DNAJC21: variants seen among roughly 807,000 people sequenced by gnomAD.
DNAJC21 encodes dnaJ homolog subfamily C member 21.
In DNAJC21, 63 loss-of-function variants were observed where a neutral mutation model predicts 72.4. The observed-to-expected ratio is 0.87, with a 90% CI of 0.71 to 1.07. The LOEUF (loss-of-function observed/expected upper bound fraction) is 1.07. DNAJC21 is among the 50% of genes least tolerant of loss of function. The pLI is 0.00. For missense variants in DNAJC21, 634 were observed against 644.8 expected, an observed-to-expected ratio of 0.98 and a Z score of 0.18; for synonymous variants, 203 against 216.7, an observed-to-expected ratio of 0.94 and a Z score of 0.56.
At position 34,929,715 on chromosome 5, in the gene DNAJC21, C is replaced by T. The variant is rs1053080003; in HGVS notation, c.-105C>T. On this transcript the variant is annotated 5_prime_UTR_variant, in exon 1 of 12. Coordinates refer to ENST00000648817, the MANE Select transcript of DNAJC21 (RefSeq NM_001012339.3). The stretch of plus-strand genomic sequence containing the variant: ...GCTGGCCCGGTGCGGGCGGCGGACT[C>T]CCGCCGGAGAGGACTGCCAGCGCCG... 3.7e-5 allele frequency: 15 copies of T among 404,016 alleles called. No homozygotes were observed. Among genetic ancestry groups the T allele is most frequent in the Non-Finnish European group, 4.8e-5 (14 of 293,892 alleles). The allele number at this position is 404,016 out of a possible 1,614,324, so 25.0% of individuals were successfully genotyped here.
intron 1 of DNAJC21, 84 bp downstream of exon 1, chr5:34,930,000 G>A: frequency 8.8e-7 from 1 of 1,136,098 alleles, no homozygotes; most frequent in Non-Finnish European, 1.2e-6. Flanking sequence ...CGGACTCCGC[G>A]GAGCCAGCAG....
chr5:34,933,729 G>T, intron 1 of DNAJC21, 86 bp from the exon 2 acceptor site: 1 of 1,057,784 alleles, frequency 9.5e-7, no homozygotes, highest in Non-Finnish European at 1.4e-6. Context: ...CGTCTCATCT[G>T]TTTGTGGCAT....
At chr5:34,943,837 A>G (rs1397812271) in intron 7 of DNAJC21, among the ~76,000 whole-genome samples, 1 of 152,232 alleles carries the variant, frequency 6.6e-6, no homozygotes. Flanking sequence ...TCAGTGTTTT[A>G]TAATTCATTA....
At chr5:34,954,093 A>G in intron 11 of DNAJC21, 92 bp downstream of exon 11, 2 of 1,184,676 alleles carry the variant, frequency 1.7e-6, no homozygotes, top group South Asian at 1.8e-5. Context: ...TTGGTGAGCC[A>G]TTCCGCAAAG....
At position 34,936,244 on chromosome 5, in the gene DNAJC21, A is replaced by G; in HGVS notation, c.416A>G (p.Asp139Gly). 6.2e-7 allele frequency: 1 copy of G among 1,613,416 alleles called. No homozygotes were observed. The highest frequency in any genetic ancestry group is 8.5e-7 in the Non-Finnish European group (1 of 1,179,878). ...GTTGATGATTTCCCAACTTTTGGAG[A>G]CTCCCAGAGTGACTATGATACGGTA... ...EEVDDFPTFG[D>G]SQSDYDTVVH... is the part of the protein sequence containing the mutation. Residue 139 changes from aspartate to glycine, a missense_variant, in exon 4 of 12, where the codon GAC becomes GGC. Physicochemically the swap from Asp to Gly is moderately conservative, Grantham distance 94. Coordinates refer to ENST00000648817, the MANE Select transcript of DNAJC21 (RefSeq NM_001012339.3).
chr5:34,937,373 G>T lies in DNAJC21; in HGVS notation c.486G>T (p.Lys162Asn), dbSNP rs1438992365. ...YAYWQSFCTQ[K>N]NFAWKEEYDT... ...ATTGGCAGAGTTTCTGCACTCAAAA[G>T]AATTTTGCATGGAAGGAAGAATATG... Residue 162 changes from lysine to asparagine, a missense_variant, in exon 5 of 12, where the codon AAG becomes AAT. Coordinates refer to ENST00000648817, the MANE Select transcript of DNAJC21 (RefSeq NM_001012339.3). 1 of 1,613,764 alleles carries T rather than the reference G, an allele frequency of 6.2e-7. No individual in the cohort carries two copies.
chr5:34,936,976 C>T (rs999525896), intron 4 of DNAJC21, among the ~76,000 whole-genome samples: 1 of 152,172 alleles, frequency 6.6e-6, no homozygotes, highest in Non-Finnish European at 1.5e-5. Context: ...GTTTCAAACT[C>T]CTGACCTCAG....
intron 9 of DNAJC21, among the ~76,000 whole-genome samples, chr5:34,948,720 C>T (rs1765252611): frequency 1.3e-5 from 2 of 152,004 alleles, no homozygotes; most frequent in Non-Finnish European, 2.9e-5. Context: ...CAAAAATTAG[C>T]CGGGCGTGGT....
intron 1 of DNAJC21, among the ~76,000 whole-genome samples, chr5:34,931,063 A>G (rs1167324972): frequency 1.3e-5 from 2 of 152,148 alleles, no homozygotes; most frequent in African/African-American, 4.8e-5. Flanking sequence ...AGGACAAAAG[A>G]TGTTCCGGGG....
chr5:34,947,820 T>C (rs1355816264), intron 9 of DNAJC21, among the ~76,000 whole-genome samples: 1 of 152,166 alleles, frequency 6.6e-6, no homozygotes, highest in Non-Finnish European at 1.5e-5. Flanking sequence ...GTTTTTGTTA[T>C]TGTAGCTTTT....
At position 34,958,651 on chromosome 5, in the gene DNAJC21, A is replaced by G. The variant is rs540661812; in HGVS notation, c.*3937A>G. On this transcript the variant is annotated 3_prime_UTR_variant, in exon 12 of 12. Transcript: ENST00000648817. Reference sequence around the variant, plus strand: ...TGCATGGAACTGTCAAAGGATTCGTATCTGGAATACATTAAAGAAGCAAAA... The same window carrying G: ...TGCATGGAACTGTCAAAGGATTCGTGTCTGGAATACATTAAAGAAGCAAAA... 1.3e-5 allele frequency: 2 copies of G among 152,342 alleles called. No homozygotes were observed. The highest frequency in any genetic ancestry group is 1.3e-4 in the Admixed American group (2 of 15,310). 9.4% of individuals were successfully genotyped at this position (152,342 alleles called of 1,614,324 possible). A position where few individuals can be genotyped will look rare whatever the true frequency, so the allele number is the denominator to read the frequency against.
chr5:34,949,806 A>C lies in DNAJC21; in HGVS notation c.1186-364A>C, dbSNP rs1185945590. On this transcript the variant is annotated intron_variant, in intron 9 of 11. Transcript: ENST00000648817. ...TGGAATATGGAAAAGTATCATCCTT[A>C]ATTTTACCTGTAGAGATTACTTAAT... The C allele has an allele frequency of 1.1e-5, 16 of 1,475,994 alleles. No individual in the cohort carries two copies. In the South Asian group the frequency reaches 1.7e-4, roughly 16 times the overall value. 91.4% of individuals were successfully genotyped at this position (1,475,994 alleles called of 1,614,324 possible). A position where few individuals can be genotyped will look rare whatever the true frequency, so the allele number is the denominator to read the frequency against.
intron 2 of DNAJC21, among the ~76,000 whole-genome samples, chr5:34,934,240 T>C (rs747609026): frequency 6.6e-6 from 1 of 152,140 alleles, no homozygotes; most frequent in Non-Finnish European, 1.5e-5. Context: ...GTTTTTTGTT[T>C]TTTTTTGAGA....
chr5:34,949,404 T>C, intron 9 of DNAJC21: 1 of 1,348,372 alleles, frequency 7.4e-7, no homozygotes, highest in Non-Finnish European at 9.8e-7. Context: ...ATGTGATCCT[T>C]GATTACACCC....
rs374574183 is a variant in DNAJC21, at chr5:34,956,914, A to T, written c.*2200A>T. The T allele has an allele frequency of 3.9e-5, 6 of 152,342 alleles. 1 individual carries two copies. The highest frequency in any genetic ancestry group is 1.4e-4 in the African/African-American group (6 of 41,572). 9.4% of individuals were successfully genotyped at this position (152,342 alleles called of 1,614,324 possible). ...ATATTGTCTCCATTTATCATACAGG[A>T]TCATTATGAAAGTAAAATGAAGTAG... On this transcript the variant is annotated 3_prime_UTR_variant, in exon 12 of 12. Transcript: ENST00000648817.
At position 34,954,534 on chromosome 5, in the gene DNAJC21, G is replaced by T; in HGVS notation, c.1435-19G>T. On this transcript the variant is annotated intron_variant, in intron 11 of 11. Transcript: ENST00000648817. ...AGTGATAACGCTTACTTTTATTTAT[G>T]ATTTTTTGCCCTTCTCAGAGTGTTC... 6.3e-7 allele frequency: 1 copy of T among 1,581,352 alleles called. No individual in the cohort carries two copies.
intron 2 of DNAJC21, among the ~76,000 whole-genome samples, chr5:34,934,642 A>C (rs1002386683): frequency 2.6e-5 from 4 of 152,218 alleles, no homozygotes; most frequent in African/African-American, 4.8e-5. Flanking sequence ...GTGATCATTT[A>C]AAATAATTTC....
At chr5:34,941,583 T>TTG (rs1764992789) in intron 7 of DNAJC21, among the ~76,000 whole-genome samples, 1 of 146,964 alleles carries the variant, frequency 6.8e-6, no homozygotes, top group Non-Finnish European at 1.5e-5. Flanking sequence ...TTTTTTTTTT[T>TTG]GGAGACAGAG....
intron 11 of DNAJC21, 132 bp downstream of exon 11, chr5:34,954,133 T>A: frequency 5.4e-6 from 4 of 736,430 alleles, no homozygotes; most frequent in Non-Finnish European, 8.4e-6. Context: ...CCATCAACAG[T>A]TTTGTTTGAT....
Sources: allele counts gnomAD v4.1 joint callset (sites outside exome capture counted in the v4.1 genomes callset), GRCh38; gene constraint gnomAD v4.1.1; transcripts MANE v1.5; gene names NCBI Gene and HGNC (gene_info 2026-07-23, HGNC 2026-07-21).